Variants in GPR141 observed in about 807,000 individuals in gnomAD.
GPR141 encodes the protein G protein-coupled receptor 141.
A neutral mutation model predicts 6.8 loss-of-function variants in GPR141; 6 were observed. The ratio of observed to expected loss-of-function variants is 0.88; its 90% confidence interval spans 0.48 to 1.74. The LOEUF is 1.74. Among genes scored for constraint, GPR141 ranks in the 40% most tolerant of loss-of-function variants. The probability of loss-of-function intolerance (pLI) is 0.01; values close to 1 mark genes in which losing one functional copy is unlikely to be tolerated. For missense variants in GPR141, 372 were observed against 372.9 expected (o/e 1.00, Z 0.02); for synonymous variants, 140 against 142.3 (o/e 0.98, Z 0.11).
At chr7:37,708,333 A>AAAC (rs1810635154) in intron 2 of GPR141, among the ~76,000 whole-genome samples, 3 of 151,198 alleles carry the variant, frequency 2.0e-5, no homozygotes, top group South Asian at 2.1e-4. Flanking sequence ...AAAAAAAAAA[A>AAAC]AACGCAAAAG....
intron 2 of GPR141, among the ~76,000 whole-genome samples, chr7:37,734,599 C>T (rs1812140908): frequency 1.3e-5 from 2 of 152,180 alleles, no homozygotes; most frequent in African/African-American, 4.8e-5. Context: ...ATTATTTAAT[C>T]ACCCTTGTAG....
At chr7:37,712,797 A>G (rs1235898204) in intron 2 of GPR141, among the ~76,000 whole-genome samples, 2 of 152,218 alleles carry the variant, frequency 1.3e-5, no homozygotes, top group African/African-American at 2.4e-5. Flanking sequence ...ATTTATCCTT[A>G]TGGACCTGTG....
intron 2 of GPR141, among the ~76,000 whole-genome samples, chr7:37,687,709 G>A (rs149559983): frequency 6.6e-6 from 1 of 152,110 alleles, no homozygotes; most frequent in East Asian, 1.9e-4. Flanking sequence ...GAGACTCCCT[G>A]GGCAGTGCTT....
intron 2 of GPR141, among the ~76,000 whole-genome samples, chr7:37,733,409 C>T (rs1279748642): frequency 5.9e-5 from 9 of 152,070 alleles, no homozygotes; most frequent in Non-Finnish European, 1.2e-4. Context: ...GGGTGGCTCA[C>T]GCTTGTAATC....
At chr7:37,695,785 T>C (rs1360965934) in intron 2 of GPR141, among the ~76,000 whole-genome samples, 1 of 152,246 alleles carries the variant, frequency 6.6e-6, no homozygotes, top group East Asian at 1.9e-4. Context: ...AGCTATACTT[T>C]CTCTTTAAAC....
intron 2 of GPR141, among the ~76,000 whole-genome samples, chr7:37,708,324 A>AC (rs1460421788): frequency 6.6e-6 from 1 of 151,126 alleles, no homozygotes; most frequent in Non-Finnish European, 1.5e-5. Context: ...AAAAAAAAAA[A>AC]AAAAAAAAAA....
chr7:37,698,307 A>G (rs889295101), intron 2 of GPR141, among the ~76,000 whole-genome samples: 2 of 152,222 alleles, frequency 1.3e-5, no homozygotes, highest in African/African-American at 2.4e-5. Context: ...ATTCAAAATT[A>G]TTACCCTTCT....
chr7:37,725,589 TTC>T (rs770303388), intron 2 of GPR141, among the ~76,000 whole-genome samples: 1 of 152,222 alleles, frequency 6.6e-6, no homozygotes, highest in Non-Finnish European at 1.5e-5. Context: ...CGCAATTTCT[TTC>T]TCTCTTTTTT....
At chr7:37,726,731 A>T (rs1811649458) in intron 2 of GPR141, among the ~76,000 whole-genome samples, 1 of 152,214 alleles carries the variant, frequency 6.6e-6, no homozygotes, top group Non-Finnish European at 1.5e-5. Flanking sequence ...TCTCTTATAC[A>T]ACCACATACA....
intron 2 of GPR141, among the ~76,000 whole-genome samples, chr7:37,686,304 G>A (rs1809511195): frequency 6.6e-6 from 1 of 151,980 alleles, no homozygotes; most frequent in Non-Finnish European, 1.5e-5. Context: ...GCAAGTCTGT[G>A]CTGTCTTTCA....
In GPR141 at chr7:37,740,917, A is replaced by G; in HGVS notation, c.524A>G (p.Tyr175Cys). 1.2e-6 allele frequency: 2 copies of G among 1,614,148 alleles called. No individual in the cohort carries two copies. The highest frequency in any genetic ancestry group is 1.7e-6 in the Non-Finnish European group (2 of 1,179,988). Reference protein sequence around the residue: ...HCFKFHKELAYTYVKIINYMI... With the variant: ...HCFKFHKELACTYVKIINYMI... ...TTTAAATTTCACAAAGAGCTTGCTT[A>G]CACATATGTGAAAATCATCAACTAT... The change falls in exon 3 of 3, where the codon TAC (tyrosine) becomes TGC (cysteine). Residue 175 changes from tyrosine (Y) to cysteine (C), a missense_variant. By Grantham distance (194) the Tyr-to-Cys change is radical. Coordinates refer to ENST00000334425, the MANE Select transcript of GPR141 (RefSeq NM_001381946.1).
intron 2 of GPR141, among the ~76,000 whole-genome samples, 167 bp from the exon 3 acceptor site, chr7:37,740,213 G>T (rs1170558409): frequency 1.3e-5 from 2 of 152,084 alleles, no homozygotes; most frequent in Non-Finnish European, 2.9e-5. Context: ...TGTGTTTTAG[G>T]TCTAGGGTAT....
At chr7:37,721,912 A>G (rs1811345458) in intron 2 of GPR141, among the ~76,000 whole-genome samples, 3 of 152,328 alleles carry the variant, frequency 2.0e-5, no homozygotes, top group South Asian at 2.1e-4. Context: ...AATTTTGCCT[A>G]CAAGTATATT....
chr7:37,716,360 G>A (rs1811050492), intron 2 of GPR141, among the ~76,000 whole-genome samples: 1 of 152,014 alleles, frequency 6.6e-6, no homozygotes, highest in Non-Finnish European at 1.5e-5. Context: ...ATTACTTTTT[G>A]GTACAAATAA....
intron 2 of GPR141, among the ~76,000 whole-genome samples, chr7:37,697,250 A>G (rs1810061648): frequency 6.6e-6 from 1 of 152,206 alleles, no homozygotes; most frequent in Non-Finnish European, 1.5e-5. Context: ...TCACAGGAAC[A>G]GATCTAAAAC....
At position 37,688,510 on chromosome 7, in the gene GPR141, C is replaced by T. The variant is rs186336766; in HGVS notation, c.-15+2927C>T. On this transcript the variant is annotated intron_variant, in intron 2 of 2. Coordinates refer to ENST00000334425, the MANE Select transcript of GPR141 (RefSeq NM_001381946.1). ...TATAAAACTGACAGTTAGAGAATGC[C>T]TTCCAGAGGTATCAGCACTTCCCTT... Among the ~76,000 whole-genome samples the T allele has an allele frequency of 1.8e-3, 275 of 152,214 alleles. 2 individuals are homozygous for T. Among genetic ancestry groups the T allele is most frequent in the African/African-American group, 6.4e-3 (265 of 41,500 alleles).
intron 2 of GPR141, among the ~76,000 whole-genome samples, chr7:37,715,562 G>A (rs976157627): frequency 3.9e-5 from 6 of 152,080 alleles, no homozygotes; most frequent in Admixed American, 6.6e-5. Flanking sequence ...TTAGTTTATC[G>A]CAATGTTAGT....
intron 2 of GPR141, among the ~76,000 whole-genome samples, chr7:37,732,392 T>C (rs1812011308): frequency 6.6e-6 from 1 of 151,930 alleles, no homozygotes; most frequent in Non-Finnish European, 1.5e-5. Flanking sequence ...AGCAGGCAGA[T>C]TGAGAGAGTG....
chr7:37,733,313 G>A (rs182925397), intron 2 of GPR141, among the ~76,000 whole-genome samples: 3 of 152,254 alleles, frequency 2.0e-5, no homozygotes, highest in South Asian at 4.1e-4. Flanking sequence ...TAACTGTGAT[G>A]TCACCATAAC....
Sources: gnomAD v4.1 joint callset for allele counts (sites outside exome capture counted in the v4.1 genomes callset) on GRCh38, gnomAD v4.1.1 for gene constraint, MANE v1.5 for transcripts, NCBI Gene and HGNC (gene_info 2026-07-23, HGNC 2026-07-21) for gene names.